The following GAD2 variants were observed in gnomAD, a reference collection of about 807,000 sequenced individuals.
The protein encoded by GAD2 is 65 kDa glutamic acid decarboxylase.
A neutral mutation model predicts 80.1 loss-of-function variants in GAD2; 22 were observed. The ratio of observed to expected loss-of-function variants is 0.27; its 90% CI spans 0.20 to 0.39. The LOEUF is 0.39. Among genes scored for constraint, GAD2 ranks in the 10% least tolerant of loss-of-function variants. The pLI is 1.00. For missense variants in GAD2, 624 were observed against 738.4 expected, an observed-to-expected ratio of 0.85 and a Z score of 1.80; for synonymous variants, 274 against 256.9, an observed-to-expected ratio of 1.07 and a Z score of -0.64.
At chr10:26,259,539 C>G (rs189775922) in intron 8 of GAD2, among the ~76,000 whole-genome samples, 5 of 151,980 alleles carry the variant, frequency 3.3e-5, no homozygotes, top group Admixed American at 2.0e-4. Context: ...AATGCTTACT[C>G]AGGTCTTTTG....
intron 11 of GAD2, among the ~76,000 whole-genome samples, chr10:26,277,063 G>A (rs1167540010): frequency 6.6e-6 from 1 of 152,232 alleles, no homozygotes; most frequent in Admixed American, 6.5e-5. Context: ...TGATTGGAGA[G>A]CACAGAGAAA....
At position 26,301,024 on chromosome 10, in the gene GAD2, T is replaced by C. The variant is rs1834324558; in HGVS notation, c.*63T>C. 5 of 1,336,190 alleles carry C rather than the reference T, an allele frequency of 3.7e-6. No homozygotes were observed. Among genetic ancestry groups the C allele is most frequent in the Non-Finnish European group, 5.3e-6 (5 of 936,634 alleles). 82.8% of individuals were successfully genotyped at this position (1,336,190 alleles called of 1,614,324 possible). ...GACAATTAAGTTGTCACAAACTGTG[T>C]GAATGTATTTGTAGTTTGTTCCAAA... is the stretch of plus-strand genomic sequence containing the variant. On this transcript the variant is annotated 3_prime_UTR_variant, in exon 16 of 16. Transcript: ENST00000376261.
At chr10:26,256,128 C>T (rs1380561660) in intron 8 of GAD2, among the ~76,000 whole-genome samples, 2 of 152,078 alleles carry the variant, frequency 1.3e-5, no homozygotes, top group Admixed American at 6.5e-5. Context: ...CTCAGATTCA[C>T]CAGTTATAAA....
chr10:26,228,935 A>G (rs761191154), intron 6 of GAD2, among the ~76,000 whole-genome samples: 3 of 152,132 alleles, frequency 2.0e-5, no homozygotes, highest in South Asian at 2.1e-4. Flanking sequence ...CACACCTGTA[A>G]TCCTAGCACT....
In GAD2 at chr10:26,252,584, C is replaced by G. The variant is rs534155770; in HGVS notation, c.920+6584C>G. Reference sequence around the variant, plus strand: ...CAGGCTGGTCTTGAACTCCTGACCTCAGGTGATCCACCCGCCTTGGCCTCC... The same window carrying G: ...CAGGCTGGTCTTGAACTCCTGACCTGAGGTGATCCACCCGCCTTGGCCTCC... On this transcript the variant is annotated intron_variant, in intron 8 of 15. Transcript: ENST00000376261. Among the ~76,000 whole-genome samples, 3 of 152,242 alleles carry G rather than the reference C, an allele frequency of 2.0e-5. No individual in the cohort carries two copies. The East Asian group carries it at 5.8e-4, about 29-fold the overall frequency.
chr10:26,293,334 C>T (rs1429202267), intron 15 of GAD2, among the ~76,000 whole-genome samples: 1 of 151,904 alleles, frequency 6.6e-6, no homozygotes, highest in Non-Finnish European at 1.5e-5. Flanking sequence ...CTCACCACCA[C>T]GCCCAGACAA....
chr10:26,270,074 A>C (rs559764787), intron 9 of GAD2, among the ~76,000 whole-genome samples: 1 of 152,184 alleles, frequency 6.6e-6, no homozygotes, highest in Non-Finnish European at 1.5e-5. Context: ...TACTTCAATC[A>C]GTTTTCATTT....
chr10:26,257,848 T>C (rs1003842092), intron 8 of GAD2, among the ~76,000 whole-genome samples: 2 of 152,206 alleles, frequency 1.3e-5, no homozygotes, highest in Admixed American at 1.3e-4. Context: ...TTGTAACCAG[T>C]GCCTGAGGGG....
At chr10:26,224,508 G>A in intron 5 of GAD2, 31 bp from the exon 6 acceptor site, 1 of 1,228,846 alleles carries the variant, frequency 8.1e-7, no homozygotes, top group East Asian at 2.3e-5. Context: ...CTGAGTTACA[G>A]AGGTAAAATG....
intron 6 of GAD2, among the ~76,000 whole-genome samples, chr10:26,225,420 AAG>A (rs1292666813): frequency 1.3e-5 from 2 of 152,196 alleles, no homozygotes; most frequent in East Asian, 1.9e-4. Flanking sequence ...AGGCAATGCA[AAG>A]AGAGTCACTG....
chr10:26,292,519 T>C lies in GAD2; in HGVS notation c.1441T>C (p.Leu481=). The change falls in exon 14 of 16, where the codon TTA becomes CTA. Residue 481 remains leucine, a synonymous_variant. Transcript: ENST00000376261. The part of the protein sequence containing the change: ...VDKCLELAEY[L]YNIIKNREGY... ...TAAATGTTTGGAGTTGGCAGAGTATTTATACAACATCATAAAAAACCGAGA... is the reference window on the plus strand; with the variant it reads ...TAAATGTTTGGAGTTGGCAGAGTATCTATACAACATCATAAAAAACCGAGA... 6.2e-7 allele frequency: 1 copy of C among 1,614,120 alleles called. No individual in the cohort carries two copies. Among genetic ancestry groups the C allele is most frequent in the Non-Finnish European group, 8.5e-7 (1 of 1,179,964 alleles).
rs1304250374 is a variant in GAD2, at chr10:26,217,386, TCTC to T, written c.77-220_77-218del. Reference sequence around the variant, plus strand: ...ACCTGGAAGGGCAGCGGTGTGGGCTTCTCCTCGGGAAACAGATAAAGGAAATGA... The same window carrying T: ...ACCTGGAAGGGCAGCGGTGTGGGCTTCTCGGGAAACAGATAAAGGAAATGA... On this transcript the variant is annotated intron_variant, in intron 1 of 15. Coordinates refer to ENST00000376261, the MANE Select transcript of GAD2 (RefSeq NM_001134366.2). This position sits in a 1 kb window ranked among gnomAD's most constrained non-coding sequence, Gnocchi z 4.9. Among the ~76,000 whole-genome samples, 1 of 152,050 alleles carries T rather than the reference TCTC, an allele frequency of 6.6e-6. No homozygotes were observed. Among genetic ancestry groups the T allele is most frequent in the Non-Finnish European group, 1.5e-5 (1 of 68,002 alleles).
intron 7 of GAD2, among the ~76,000 whole-genome samples, chr10:26,236,080 G>T (rs941157932): frequency 6.6e-6 from 1 of 152,090 alleles, no homozygotes; most frequent in Admixed American, 6.5e-5. Flanking sequence ...ACCCACTTCT[G>T]TGGGGAGGTA....
intron 12 of GAD2, among the ~76,000 whole-genome samples, chr10:26,283,934 A>G (rs1845300844): frequency 6.6e-6 from 1 of 152,234 alleles, no homozygotes; most frequent in Admixed American, 6.5e-5. Flanking sequence ...ATTTGACAGC[A>G]AAATCAGAAC....
intron 8 of GAD2, among the ~76,000 whole-genome samples, chr10:26,246,753 G>A (rs2132288417): frequency 6.6e-6 from 1 of 152,324 alleles, no homozygotes; most frequent in East Asian, 1.9e-4. Flanking sequence ...TTCCCTGCCA[G>A]GATGTGAGCT....
chr10:26,267,672 T>C (rs966050541), intron 8 of GAD2, among the ~76,000 whole-genome samples: 1 of 152,216 alleles, frequency 6.6e-6, no homozygotes, highest in Non-Finnish European at 1.5e-5. Flanking sequence ...TTGTCTTTCT[T>C]TGGGAAACAG....
chr10:26,264,655 C>T (rs144974676), intron 8 of GAD2, among the ~76,000 whole-genome samples: 2 of 152,258 alleles, frequency 1.3e-5, no homozygotes, highest in East Asian at 1.9e-4. Flanking sequence ...CTCTGAACCT[C>T]GGTTTCCTAA....
intron 12 of GAD2, among the ~76,000 whole-genome samples, chr10:26,284,473 C>T (rs879562075): frequency 3.3e-5 from 5 of 151,246 alleles, no homozygotes. Flanking sequence ...TGGCTCAGAA[C>T]CAGGATATCA....
intron 3 of GAD2, among the ~76,000 whole-genome samples, chr10:26,218,733 G>GT (rs1323445513): frequency 1.3e-5 from 2 of 152,130 alleles, no homozygotes; most frequent in Admixed American, 1.3e-4. Flanking sequence ...TGAGAAACAC[G>GT]TTTAAGACGA....
Sources: gnomAD v4.1 joint callset for allele counts (sites outside exome capture counted in the v4.1 genomes callset) on GRCh38, gnomAD v4.1.1 for gene constraint, Gnocchi (gnomAD v3.1) non-coding constraint, MANE v1.5 for transcripts, NCBI Gene and HGNC (gene_info 2026-07-23, HGNC 2026-07-21) for gene names.